ZBTB16: variants seen among roughly 807,000 people sequenced by gnomAD.
ZBTB16 encodes the protein zinc finger and BTB domain-containing protein 16.
A neutral mutation model predicts 56.8 loss-of-function variants in ZBTB16; 8 were observed. The ratio of observed to expected loss-of-function variants is 0.14; its 90% CI spans 0.08 to 0.25. The LOEUF (loss-of-function observed/expected upper bound fraction) is 0.25, where lower values mean the gene tolerates loss of function less well. Ranked by LOEUF, ZBTB16 falls within the 10% of genes least tolerant of loss-of-function variation. The pLI, the probability that ZBTB16 is intolerant of heterozygous loss-of-function variation, is 1.00. For missense variants in ZBTB16, 625 were observed against 903.0 expected, an observed-to-expected ratio of 0.69 and a Z score of 3.95; for synonymous variants, 363 against 368.5, an observed-to-expected ratio of 0.98 and a Z score of 0.17.
At chr11:114,069,186 C>T (rs549524416) in intron 2 of ZBTB16, among the ~76,000 whole-genome samples, 42 of 152,290 alleles carry the variant, frequency 2.8e-4, no homozygotes, top group African/African-American at 9.4e-4. Flanking sequence ...CCCAGGTTCA[C>T]GCTATTCTCC....
At chr11:114,132,181 A>G (rs149036574) in intron 2 of ZBTB16, among the ~76,000 whole-genome samples, 2 of 152,298 alleles carry the variant, frequency 1.3e-5, no homozygotes, top group African/African-American at 4.8e-5. Context: ...AGAATGCTGT[A>G]CAAGACGGGT....
intron 2 of ZBTB16, among the ~76,000 whole-genome samples, chr11:114,120,713 T>C (rs1400863742): frequency 6.6e-6 from 1 of 152,178 alleles, no homozygotes; most frequent in African/African-American, 2.4e-5. Flanking sequence ...ATACAGGGTC[T>C]AAAGGGTGGC....
intron 4 of ZBTB16, among the ~76,000 whole-genome samples, chr11:114,210,192 T>TGTGTGTGTGC (rs773801156): frequency 0.046 from 6,625 of 143,216 alleles, 173 homozygotes; most frequent in Middle Eastern, 0.1. Flanking sequence ...TGTGTGTGTG[T>TGTGTGTGTGC]GCGTGCGCGC....
At chr11:114,122,332 G>A (rs1941368245) in intron 2 of ZBTB16, among the ~76,000 whole-genome samples, 2 of 152,164 alleles carry the variant, frequency 1.3e-5, no homozygotes, top group African/African-American at 4.8e-5. Flanking sequence ...CAATTCAATG[G>A]ATGTTTGTCA....
At chr11:114,084,049 G>GT (rs1189329542) in intron 2 of ZBTB16, among the ~76,000 whole-genome samples, 1 of 152,166 alleles carries the variant, frequency 6.6e-6, no homozygotes, top group African/African-American at 2.4e-5. Context: ...CACCTCCATT[G>GT]TTTAAGATGT....
chr11:114,200,137 A>G (rs1225959711), intron 4 of ZBTB16, among the ~76,000 whole-genome samples: 1 of 141,086 alleles, frequency 7.1e-6, no homozygotes, highest in African/African-American at 2.5e-5. Flanking sequence ...CAAAAAAAAA[A>G]AAAGAAAAAA....
At position 114,255,266 on chromosome 11, in the gene ZBTB16, G is replaced by T. The variant is rs1944981247; in HGVS notation, c.*4711G>T. Among the ~76,000 whole-genome samples, 2 of 152,184 alleles carry T rather than the reference G, an allele frequency of 1.3e-5. No homozygotes were observed. The highest frequency in any genetic ancestry group is 2.9e-5 in the Non-Finnish European group (2 of 68,028). ...GTCGTGATAGCACAAGTGCCAGTCG[G>T]ATTGCTCTGTATTACAGAATAGTGT... On this transcript the variant is annotated 3_prime_UTR_variant, in exon 7 of 7. Transcript: ENST00000335953.
At chr11:114,101,464 C>T (rs566004725) in intron 2 of ZBTB16, among the ~76,000 whole-genome samples, 7 of 152,214 alleles carry the variant, frequency 4.6e-5, no homozygotes, top group South Asian at 2.1e-4. Context: ...CTGATTGCTT[C>T]GTGTATTTAA....
At chr11:114,072,512 G>A (rs1025130744) in intron 2 of ZBTB16, among the ~76,000 whole-genome samples, 3 of 152,206 alleles carry the variant, frequency 2.0e-5, no homozygotes, top group Non-Finnish European at 4.4e-5. Flanking sequence ...GGGTCCTGGG[G>A]CTGGGCTTGT....
intron 3 of ZBTB16, among the ~76,000 whole-genome samples, chr11:114,159,067 G>A (rs1282382178): frequency 4.6e-5 from 7 of 152,242 alleles, no homozygotes. Flanking sequence ...CAGCATTGGT[G>A]GGGCTGGTGG....
At chr11:114,217,238 G>C (rs1944124380) in intron 4 of ZBTB16, among the ~76,000 whole-genome samples, 1 of 152,224 alleles carries the variant, frequency 6.6e-6, no homozygotes, top group African/African-American at 2.4e-5. Context: ...TTTATCCACA[G>C]ATGACAAGGA....
rs867006562 is a variant in ZBTB16, at chr11:114,236,463, C to T, written c.1454-5704C>T. 1.2e-4 allele frequency among the ~76,000 whole-genome samples: 18 copies of T among 152,226 alleles called. 1 individual carries two copies. The Middle Eastern group carries it at 0.01, about 86-fold the overall frequency. On this transcript the variant is annotated intron_variant, in intron 4 of 6. Coordinates refer to ENST00000335953, the MANE Select transcript of ZBTB16 (RefSeq NM_006006.6). ...CTTCTATGGTCTGGGTTTTTGCTTC[C>T]GAGCAACAGAGCTCAGACATGGAGT...
At chr11:114,248,279 C>T (rs1313931398) in intron 6 of ZBTB16, among the ~76,000 whole-genome samples, 2 of 152,210 alleles carry the variant, frequency 1.3e-5, no homozygotes, top group East Asian at 1.9e-4. Context: ...GAAGGGTCTT[C>T]CACAGTTTCC....
At chr11:114,154,465 A>G (rs956076741) in intron 2 of ZBTB16, among the ~76,000 whole-genome samples, 4 of 152,184 alleles carry the variant, frequency 2.6e-5, no homozygotes, top group South Asian at 2.1e-4. Context: ...GCAAGTATCT[A>G]TCATGCCCGG....
intron 3 of ZBTB16, among the ~76,000 whole-genome samples, chr11:114,161,753 A>G (rs1277081399): frequency 6.6e-6 from 1 of 152,226 alleles, no homozygotes; most frequent in Non-Finnish European, 1.5e-5. Context: ...CTGGAGAGCC[A>G]CTGAAGGACT....
intron 2 of ZBTB16, among the ~76,000 whole-genome samples, chr11:114,090,244 G>A (rs74951300): frequency 0.017 from 2,613 of 152,324 alleles, 77 homozygotes; most frequent in African/African-American, 0.058. Flanking sequence ...CTCAGCTAAC[G>A]AGGTGCATTT....
Position 114,064,421 on chromosome 11 carries a change from T to C in ZBTB16, c.1121T>C (p.Leu374Pro). ...VSMDFSTYGGLLPQGFIQREL... is the reference protein window; with the variant it reads ...VSMDFSTYGGPLPQGFIQREL... ...ATGGACTTCAGCACCTATGGGGGGC[T>C]GCTGCCCCAGGGCTTCATCCAGAGG... Residue 374 changes from leucine to proline, a missense_variant, in exon 2 of 7, where the codon CTG becomes CCG. Physicochemically the swap from Leu to Pro is moderately conservative, Grantham distance 98 (BLOSUM62 -3). Transcript: ENST00000335953. This position sits in a 1 kb window ranked among gnomAD's most constrained non-coding sequence, Gnocchi z 4.2. 6.2e-7 allele frequency: 1 copy of C among 1,614,124 alleles called. No homozygotes were observed. Among genetic ancestry groups the C allele is most frequent in the Non-Finnish European group, 8.5e-7 (1 of 1,180,030 alleles).
At chr11:114,116,986 A>G (rs1479434488) in intron 2 of ZBTB16, among the ~76,000 whole-genome samples, 2 of 152,134 alleles carry the variant, frequency 1.3e-5, no homozygotes, top group African/African-American at 2.4e-5. Context: ...TGTAGAGGAA[A>G]TGGAGGTGAA....
In ZBTB16 at chr11:114,063,241, G is replaced by A; in HGVS notation, c.-60G>A. On this transcript the variant is annotated 5_prime_UTR_variant, in exon 2 of 7. Transcript: ENST00000335953. The surrounding 1 kb of genome is among the most constrained non-coding windows in gnomAD (Gnocchi z 6.5). ...TCTATTGGCCCAGGAAGCCCACCCA[G>A]CCCCGCCACGCAGAGCCCAGAAGGA... The A allele has an allele frequency of 6.3e-7, 1 of 1,592,806 alleles. No homozygotes were observed. Among genetic ancestry groups the A allele is most frequent in the Non-Finnish European group, 8.5e-7 (1 of 1,171,142 alleles).
Sources: gnomAD v4.1 joint callset for allele counts (sites outside exome capture counted in the v4.1 genomes callset) on GRCh38, gnomAD v4.1.1 for gene constraint, Gnocchi (gnomAD v3.1) non-coding constraint, MANE v1.5 for transcripts, NCBI Gene and HGNC (gene_info 2026-07-23, HGNC 2026-07-21) for gene names.